Variants in XKR6 observed in about 807,000 individuals in gnomAD.
XKR6 encodes XK related 6.
A neutral mutation model predicts 56.7 loss-of-function variants in XKR6; 22 were observed. The ratio of observed to expected loss-of-function variants is 0.39; its 90% CI spans 0.28 to 0.55. The LOEUF (loss-of-function observed/expected upper bound fraction) is 0.55. Among genes scored for constraint, XKR6 ranks in the 20% least tolerant of loss-of-function variants. XKR6 has a pLI of 0.66. For synonymous variants in XKR6, 524 were observed against 387.8 expected, an observed-to-expected ratio of 1.35 and a Z score of -4.13; for missense variants, 852 against 889.0, an observed-to-expected ratio of 0.96 and a Z score of 0.53.
At chr8:11,188,791 G>A (rs567576308) in intron 1 of XKR6, among the ~76,000 whole-genome samples, 5 of 152,272 alleles carry the variant, frequency 3.3e-5, no homozygotes, top group South Asian at 4.2e-4. Context: ...CCCTGTGCAA[G>A]TCCACAGACC....
intron 1 of XKR6, among the ~76,000 whole-genome samples, chr8:11,199,833 A>G (rs1430705937): frequency 1.3e-5 from 2 of 152,228 alleles, no homozygotes; most frequent in Admixed American, 1.3e-4. Flanking sequence ...TACCAAAAAC[A>G]TCGTTTCCCC....
chr8:11,167,040 GGCTTCT>G (rs1221461537), intron 1 of XKR6, among the ~76,000 whole-genome samples: 1 of 152,108 alleles, frequency 6.6e-6, no homozygotes, highest in Non-Finnish European at 1.5e-5. Flanking sequence ...TAGAAGGAAA[GGCTTCT>G]GTGGGTTTTT....
At chr8:11,017,655 A>G (rs902495208) in intron 1 of XKR6, among the ~76,000 whole-genome samples, 6 of 152,240 alleles carry the variant, frequency 3.9e-5, no homozygotes, top group Non-Finnish European at 8.8e-5. Context: ...CACTTGATCC[A>G]TGTGGCAGTG....
intron 1 of XKR6, among the ~76,000 whole-genome samples, chr8:11,041,816 A>G (rs77643670): frequency 0.01 from 1,563 of 152,346 alleles, 22 homozygotes; most frequent in African/African-American, 0.035. Flanking sequence ...ATAAGACATT[A>G]AAAATGGTCT....
At chr8:11,063,848 T>A (rs960691226) in intron 1 of XKR6, among the ~76,000 whole-genome samples, 3 of 152,214 alleles carry the variant, frequency 2.0e-5, no homozygotes, top group African/African-American at 7.2e-5. Context: ...AATCTCCCCA[T>A]AGAGGCTACT....
chr8:11,063,073 C>G (rs1799880798), intron 1 of XKR6: 1 of 334,282 alleles, frequency 3.0e-6, no homozygotes, highest in Non-Finnish European at 5.9e-6. Context: ...AAATTTAAAT[C>G]CTATTAAGGC....
Position 11,049,787 on chromosome 8 carries a change from C to T in XKR6, c.765-124957G>A, listed in dbSNP as rs558222001. ...AAAAAAGTTAACCAAATCTGTTGGG[C>T]AGAATTTTTCTAGTCTTTTCCTACT... On this transcript the variant is annotated intron_variant, in intron 1 of 2. Transcript: ENST00000416569. 2.0e-5 allele frequency among the ~76,000 whole-genome samples: 3 copies of T among 152,308 alleles called. No homozygotes were observed. In the East Asian group the frequency reaches 5.8e-4, roughly 29 times the overall value.
intron 2 of XKR6, among the ~76,000 whole-genome samples, chr8:10,914,566 C>G (rs1310440161): frequency 6.6e-6 from 1 of 152,210 alleles, no homozygotes; most frequent in Non-Finnish European, 1.5e-5. Flanking sequence ...GCTCCTCCTC[C>G]TTAGGCTACA....
intron 1 of XKR6, among the ~76,000 whole-genome samples, chr8:11,096,344 T>C (rs910935097): frequency 5.3e-5 from 8 of 152,216 alleles, no homozygotes; most frequent in African/African-American, 1.9e-4. Flanking sequence ...TACTTTTAAA[T>C]CTTATCTCAA....
intron 1 of XKR6, among the ~76,000 whole-genome samples, chr8:11,126,490 T>C (rs892473668): frequency 1.5e-4 from 23 of 152,184 alleles, no homozygotes; most frequent in Non-Finnish European, 3.1e-4. Context: ...AGCGAATGTG[T>C]CATTAGTCTG....
At chr8:11,116,954 A>G (rs1799207221) in intron 1 of XKR6, among the ~76,000 whole-genome samples, 2 of 152,152 alleles carry the variant, frequency 1.3e-5, no homozygotes, top group African/African-American at 2.4e-5. Context: ...CTTACTAACT[A>G]TATACTTAGT....
intron 1 of XKR6, among the ~76,000 whole-genome samples, chr8:11,031,565 A>G (rs11997616): frequency 0.4 from 61,083 of 152,152 alleles, 16,840 homozygotes; most frequent in African/African-American, 0.79. Flanking sequence ...GACACTCAGC[A>G]GGGATCTGCC....
intron 2 of XKR6, among the ~76,000 whole-genome samples, chr8:10,920,338 G>A (rs1015873304): frequency 2.0e-5 from 3 of 152,016 alleles, no homozygotes; most frequent in Non-Finnish European, 4.4e-5. Flanking sequence ...GATGTTTCAT[G>A]CTCATAACAA....
chr8:10,912,627 A>G (rs1800430133), intron 2 of XKR6, among the ~76,000 whole-genome samples: 1 of 137,722 alleles, frequency 7.3e-6, no homozygotes, highest in Non-Finnish European at 1.6e-5. Context: ...GTGAGTATAT[A>G]TATGTAAAGA....
chr8:11,009,927 A>T (rs367764815), intron 1 of XKR6, among the ~76,000 whole-genome samples: 2 of 152,226 alleles, frequency 1.3e-5, no homozygotes, highest in African/African-American at 4.8e-5. Context: ...TATAAATCTA[A>T]AACTGTTCTA....
chr8:11,092,927 G>A (rs1001300258), intron 1 of XKR6, among the ~76,000 whole-genome samples: 1 of 152,222 alleles, frequency 6.6e-6, no homozygotes, highest in Admixed American at 6.5e-5. Context: ...ACTGGCCCAG[G>A]ACCCCCGCTG....
chr8:11,115,365 T>C (rs929160488), intron 1 of XKR6, among the ~76,000 whole-genome samples: 24 of 152,380 alleles, frequency 1.6e-4, no homozygotes, highest in African/African-American at 5.8e-4. Context: ...AAAAACCATT[T>C]ATTTTAAGAG....
intron 1 of XKR6, among the ~76,000 whole-genome samples, chr8:11,051,845 C>A (rs1252366763): frequency 6.6e-6 from 1 of 152,004 alleles, no homozygotes; most frequent in African/African-American, 2.4e-5. Context: ...CAAAAAAAAA[C>A]CCAAACAAAC....
intron 1 of XKR6, among the ~76,000 whole-genome samples, chr8:11,067,790 AG>A (rs1387023767): frequency 6.6e-6 from 1 of 152,248 alleles, no homozygotes; most frequent in Admixed American, 6.5e-5. Flanking sequence ...TTCCAAGAGC[AG>A]GCGTTTCAGA....
Sources: gnomAD v4.1 joint callset for allele counts (sites outside exome capture counted in the v4.1 genomes callset) on GRCh38, gnomAD v4.1.1 for gene constraint, MANE v1.5 for transcripts, NCBI Gene and HGNC (gene_info 2026-07-23, HGNC 2026-07-21) for gene names.